Variants in BLTP1 observed in about 807,000 individuals in gnomAD.
BLTP1 encodes the protein bridge-like lipid transfer protein family member 1, also known as fragile site-associated protein.
chr4:122,226,579 T>TTA, the BLTP1 span: 3 of 1,482,256 alleles, frequency 2.0e-6, no homozygotes, highest in Non-Finnish European at 2.7e-6. Flanking sequence ...AGTTGCTTAT[T>TTA]TAGCAGAAGT....
chr4:122,216,994 C>G, the BLTP1 span, among the ~76,000 whole-genome samples: 1 of 152,248 alleles, frequency 6.6e-6, no homozygotes, highest in South Asian at 2.1e-4. Flanking sequence ...TGCCAGTTAT[C>G]CCAGCACAAT....
the BLTP1 span, among the ~76,000 whole-genome samples, chr4:122,327,643 A>G: frequency 6.6e-6 from 1 of 151,536 alleles, no homozygotes; most frequent in Non-Finnish European, 1.5e-5. Flanking sequence ...AAAAGCATCT[A>G]CTAGCTTTTA....
the BLTP1 span, chr4:122,192,258 A>G: frequency 6.2e-7 from 1 of 1,612,860 alleles, no homozygotes; most frequent in Non-Finnish European, 8.5e-7. Context: ...AGAAGAAAAT[A>G]TTGAAGGAGA....
the BLTP1 span, chr4:122,331,218 T>C: frequency 1.1e-5 from 16 of 1,439,830 alleles, no homozygotes; most frequent in South Asian, 3.0e-5. Flanking sequence ...ATTTACAAAA[T>C]AGTAAAATTT....
chr4:122,313,723 G>C, the BLTP1 span: 20 of 1,208,976 alleles, frequency 1.7e-5, no homozygotes, highest in Non-Finnish European at 1.9e-5. Flanking sequence ...ATGTTAGATA[G>C]AATTCTGCCT....
At chr4:122,224,653 T>G in the BLTP1 span, 1 of 1,614,038 alleles carries the variant, frequency 6.2e-7, no homozygotes, top group Non-Finnish European at 8.5e-7. Flanking sequence ...CTGGAAGTCT[T>G]ACAGCTAAGG....
chr4:122,255,404 C>G, the BLTP1 span: 2 of 704,622 alleles, frequency 2.8e-6, no homozygotes, highest in East Asian at 2.7e-5. Context: ...GGCCTGTAAT[C>G]CCAGCACTTT....
the BLTP1 span, chr4:122,263,724 T>C: frequency 1.7e-6 from 1 of 582,598 alleles, no homozygotes. Flanking sequence ...TCCATTTATA[T>C]TTTTAAATGC....
the BLTP1 span, chr4:122,226,308 G>A: frequency 4.3e-6 from 3 of 703,260 alleles, no homozygotes; most frequent in South Asian, 6.2e-5. Context: ...AGCTCAATGT[G>A]ATATTTAGAT....
At chr4:122,187,858 T>C in the BLTP1 span, 2 of 1,544,356 alleles carry the variant, frequency 1.3e-6, no homozygotes, top group South Asian at 2.5e-5. Context: ...AATAGCATGA[T>C]ATAATATCTC....
chr4:122,256,587 A>T, the BLTP1 span, among the ~76,000 whole-genome samples: 1 of 152,234 alleles, frequency 6.6e-6, no homozygotes, highest in African/African-American at 2.4e-5. Context: ...GAATGATAGG[A>T]AACAGGATGG....
At chr4:122,325,535 A>G in the BLTP1 span, 1 of 1,230,942 alleles carries the variant, frequency 8.1e-7, no homozygotes, top group South Asian at 2.3e-5. Context: ...TACATTTTAC[A>G]TGCACAATAA....
At chr4:122,186,674 A>C in the BLTP1 span, among the ~76,000 whole-genome samples, 1 of 151,998 alleles carries the variant, frequency 6.6e-6, no homozygotes, top group Non-Finnish European at 1.5e-5. Context: ...CTGTATATGT[A>C]GGTCTGCTTT....
the BLTP1 span, chr4:122,199,782 T>C: frequency 1.3e-5 from 4 of 305,722 alleles, no homozygotes; most frequent in Middle Eastern, 1.6e-3. Flanking sequence ...TTCTTTAATA[T>C]ATGTTTTCTA....
At chr4:122,228,741 GTA>G in the BLTP1 span, among the ~76,000 whole-genome samples, 3 of 152,136 alleles carry the variant, frequency 2.0e-5, no homozygotes, top group African/African-American at 7.2e-5. Flanking sequence ...TGCGTATGGA[GTA>G]CCTGTAAGAA....
At chr4:122,346,524 A>G in the BLTP1 span, 2 of 1,458,444 alleles carry the variant, frequency 1.4e-6, no homozygotes, top group South Asian at 3.1e-5. Flanking sequence ...ATGTAACTTA[A>G]GTATAATTCA....
chr4:122,331,449 T>G, the BLTP1 span: 49 of 1,612,004 alleles, frequency 3.0e-5, 1 homozygote, highest in South Asian at 4.6e-4. Flanking sequence ...ATATTGACTT[T>G]GAACTTGATA....
chr4:122,153,999 A>G, the BLTP1 span: 1 of 984,966 alleles, frequency 1.0e-6, no homozygotes, highest in African/African-American at 1.7e-5. Flanking sequence ...ACCTTGTATA[A>G]TTAGTTAAAA....
chr4:122,250,592 GTAA>G, the BLTP1 span: 1 of 1,605,268 alleles, frequency 6.2e-7, no homozygotes, highest in South Asian at 1.1e-5. Flanking sequence ...CTTTCTAATA[GTAA>G]TAATAATGGT....
Sources: allele counts gnomAD v4.1 joint callset (sites outside exome capture counted in the v4.1 genomes callset), GRCh38; gene constraint gnomAD v4.1.1; transcripts MANE v1.5; gene names NCBI Gene and HGNC (gene_info 2026-07-23, HGNC 2026-07-21).